SLC24A2: variants seen among roughly 807,000 people sequenced by gnomAD.
SLC24A2 encodes sodium/potassium/calcium exchanger 2.
In SLC24A2, 36 loss-of-function variants were observed where a neutral mutation model predicts 62.0. That is an observed-to-expected ratio of 0.58 (90% CI 0.44 to 0.77). The LOEUF is 0.77. Ranked by LOEUF, SLC24A2 falls within the 30% of genes least tolerant of loss-of-function variation. The pLI is 0.00. For missense variants in SLC24A2, 846 were observed against 817.9 expected, an observed-to-expected ratio of 1.03 and a Z score of -0.42; for synonymous variants, 358 against 294.0, an observed-to-expected ratio of 1.22 and a Z score of -2.23.
At chr9:19,544,730 T>G (rs1834462496) in intron 8 of SLC24A2, among the ~76,000 whole-genome samples, 1 of 152,036 alleles carries the variant, frequency 6.6e-6, no homozygotes, top group Admixed American at 6.6e-5. Flanking sequence ...TTGAAAATTC[T>G]TTTAAGAATG....
chr9:20,146,253 CAG>C, the SLC24A2 span, among the ~76,000 whole-genome samples: 2 of 152,020 alleles, frequency 1.3e-5, no homozygotes, highest in East Asian at 1.9e-4. Flanking sequence ...GCATCAGAAG[CAG>C]AGAGAGTCTG....
At chr9:20,071,897 CACTT>C in the SLC24A2 span, among the ~76,000 whole-genome samples, 1 of 152,070 alleles carries the variant, frequency 6.6e-6, no homozygotes, top group South Asian at 2.1e-4. Context: ...CTCAAGGAAA[CACTT>C]ACTTTGGCTG....
chr9:19,610,401 C>T (rs575362196), intron 4 of SLC24A2, among the ~76,000 whole-genome samples: 5 of 151,862 alleles, frequency 3.3e-5, no homozygotes, highest in Admixed American at 6.6e-5. Flanking sequence ...CTTCTTGTTG[C>T]GATGATAATT....
chr9:20,215,101 C>T, the SLC24A2 span, among the ~76,000 whole-genome samples: 3 of 152,154 alleles, frequency 2.0e-5, no homozygotes, highest in South Asian at 2.1e-4. Context: ...AAGATCAAGG[C>T]GTTGGCAGAT....
At chr9:19,667,831 C>T (rs1456908036) in intron 2 of SLC24A2, among the ~76,000 whole-genome samples, 1 of 152,136 alleles carries the variant, frequency 6.6e-6, no homozygotes, top group Non-Finnish European at 1.5e-5. Flanking sequence ...CTCCTCTCTG[C>T]CTGGAAATGT....
chr9:19,556,728 A>G (rs1207917421), intron 7 of SLC24A2, among the ~76,000 whole-genome samples: 3 of 152,232 alleles, frequency 2.0e-5, no homozygotes, highest in African/African-American at 7.2e-5. Context: ...ATAGAATGTC[A>G]GCACTTACGT....
At chr9:20,095,945 G>A in the SLC24A2 span, among the ~76,000 whole-genome samples, 6 of 152,212 alleles carry the variant, frequency 3.9e-5, no homozygotes, top group Admixed American at 1.3e-4. Flanking sequence ...CATGAGAACA[G>A]TATGGGGGAA....
At chr9:19,774,209 G>T (rs549304900) in intron 2 of SLC24A2, among the ~76,000 whole-genome samples, 3 of 152,040 alleles carry the variant, frequency 2.0e-5, no homozygotes, top group African/African-American at 7.2e-5. Context: ...GGAGGAGGAG[G>T]GCAGAAACTG....
At chr9:19,583,473 A>G (rs1387628676) in intron 5 of SLC24A2, among the ~76,000 whole-genome samples, 1 of 152,226 alleles carries the variant, frequency 6.6e-6, no homozygotes. Context: ...GCAGCAGACA[A>G]GCTTCAAAAG....
chr9:19,667,515 G>A (rs1422266624), intron 2 of SLC24A2, among the ~76,000 whole-genome samples: 3 of 152,030 alleles, frequency 2.0e-5, no homozygotes, highest in African/African-American at 7.2e-5. Context: ...TTGCTCCCTG[G>A]ACCAAGTGTT....
the SLC24A2 span, among the ~76,000 whole-genome samples, chr9:20,184,160 G>GA: frequency 6.6e-6 from 1 of 152,152 alleles, no homozygotes; most frequent in Non-Finnish European, 1.5e-5. Flanking sequence ...ACAGGTTCAT[G>GA]AAAAAATGCT....
At chr9:19,991,106 G>A in the SLC24A2 span, among the ~76,000 whole-genome samples, 1 of 151,668 alleles carries the variant, frequency 6.6e-6, no homozygotes, top group South Asian at 2.1e-4. Flanking sequence ...TGACTCACAG[G>A]ATCACAAGGT....
the SLC24A2 span, among the ~76,000 whole-genome samples, chr9:19,960,266 A>G: frequency 6.6e-6 from 1 of 152,182 alleles, no homozygotes; most frequent in Non-Finnish European, 1.5e-5. Context: ...GCTTACTGCC[A>G]CTATGTGTGA....
At chr9:19,948,482 T>C in the SLC24A2 span, among the ~76,000 whole-genome samples, 2 of 152,186 alleles carry the variant, frequency 1.3e-5, no homozygotes, top group Non-Finnish European at 2.9e-5. Flanking sequence ...AAAATAAATA[T>C]ATGTGAGAAC....
intron 2 of SLC24A2, among the ~76,000 whole-genome samples, chr9:19,709,350 T>A (rs879564545): frequency 9.2e-5 from 14 of 152,206 alleles, no homozygotes; most frequent in Non-Finnish European, 1.9e-4. Flanking sequence ...AGTGTGGCAA[T>A]TCCTTGGGGA....
the SLC24A2 span, among the ~76,000 whole-genome samples, chr9:19,944,784 C>G: frequency 3.3e-5 from 5 of 152,028 alleles, no homozygotes; most frequent in African/African-American, 1.2e-4. Flanking sequence ...CCTTTTGTCA[C>G]TTAGATTTGT....
the SLC24A2 span, among the ~76,000 whole-genome samples, chr9:20,248,631 T>C: frequency 3.9e-5 from 6 of 152,308 alleles, no homozygotes; most frequent in East Asian, 9.7e-4. Context: ...CACCTCTGAA[T>C]ACCATCGCAT....
At chr9:19,646,280 A>G (rs1818636278) in intron 2 of SLC24A2, among the ~76,000 whole-genome samples, 1 of 151,976 alleles carries the variant, frequency 6.6e-6, no homozygotes, top group Non-Finnish European at 1.5e-5. Flanking sequence ...TTGTTTGTAG[A>G]CTCCCCTCGA....
chr9:20,298,905 T>C, the SLC24A2 span, among the ~76,000 whole-genome samples: 2 of 152,188 alleles, frequency 1.3e-5, no homozygotes, highest in East Asian at 1.9e-4. Flanking sequence ...AGACTGAGGC[T>C]CATATGACTC....
Sources: gnomAD v4.1 joint callset for allele counts (sites outside exome capture counted in the v4.1 genomes callset) on GRCh38, gnomAD v4.1.1 for gene constraint, MANE v1.5 for transcripts, NCBI Gene and HGNC (gene_info 2026-07-23, HGNC 2026-07-21) for gene names.